The following TMEFF2 variants were observed in gnomAD, a reference collection of about 807,000 sequenced individuals.
TMEFF2 encodes tomoregulin-2.
Under a neutral mutation model 53.8 loss-of-function variants are expected in TMEFF2, and 28 were observed. The observed-to-expected ratio is 0.52, with a 90% CI of 0.39 to 0.71. TMEFF2 has a LOEUF of 0.71. Among genes scored for constraint, TMEFF2 ranks in the 30% least tolerant of loss-of-function variants. The pLI is 0.00. For synonymous variants in TMEFF2, 162 were observed against 166.3 expected (o/e 0.97, Z 0.20); for missense variants, 353 against 455.2 (o/e 0.78, Z 2.04).
chr2:192,054,784 G>C (rs148108207), intron 5 of TMEFF2, among the ~76,000 whole-genome samples: 18 of 151,824 alleles, frequency 1.2e-4, no homozygotes, highest in African/African-American at 3.9e-4. Flanking sequence ...CTTTCACCTC[G>C]TATCTTCATC....
chr2:192,040,877 G>A (rs4280393), intron 5 of TMEFF2, among the ~76,000 whole-genome samples: 147,151 of 152,258 alleles, frequency 0.97, 71,298 homozygotes, highest in East Asian at 1. Flanking sequence ...ATGATGAAAG[G>A]CTAGTCTTTT....
chr2:191,988,247 C>T (rs1405327891), intron 7 of TMEFF2, among the ~76,000 whole-genome samples: 1 of 152,146 alleles, frequency 6.6e-6, no homozygotes, highest in East Asian at 1.9e-4. Flanking sequence ...CCTGGTCTGC[C>T]TGTTGGTTGT....
intron 9 of TMEFF2, among the ~76,000 whole-genome samples, chr2:191,951,561 C>G (rs1372955735): frequency 6.6e-6 from 1 of 152,044 alleles, no homozygotes; most frequent in African/African-American, 2.4e-5. Flanking sequence ...TTTTGTAAAT[C>G]TTTTAGCAAG....
intron 1 of TMEFF2, among the ~76,000 whole-genome samples, chr2:192,192,307 A>G (rs1024861036): frequency 2.7e-5 from 4 of 149,066 alleles, no homozygotes; most frequent in Admixed American, 2.0e-4. Context: ...TTTTATTTTT[A>G]TTTTTTGCTC....
chr2:192,095,748 T>C (rs1688888044), intron 4 of TMEFF2, among the ~76,000 whole-genome samples: 1 of 152,208 alleles, frequency 6.6e-6, no homozygotes, highest in Non-Finnish European at 1.5e-5. Flanking sequence ...TCAGGCCTAG[T>C]GCTTTCTGCA....
Position 192,052,370 on chromosome 2 carries a change from G to A in TMEFF2, c.536+5309C>T, listed in dbSNP as rs190176546. ...AATCAAGTATCAACCCCCGGGCTCT[G>A]AACTACTTCTGACTGACAGAACCAA... is the stretch of plus-strand genomic sequence containing the variant. On this transcript the variant is annotated intron_variant, in intron 5 of 9. Coordinates refer to ENST00000272771, the MANE Select transcript of TMEFF2 (RefSeq NM_016192.4). Among the ~76,000 whole-genome samples the A allele has an allele frequency of 1.7e-3, 262 of 152,256 alleles. 2 individuals are homozygous for A. The highest frequency in any genetic ancestry group is 6.3e-4 in the Non-Finnish European group (43 of 68,010).
At chr2:192,002,162 C>A (rs918919845) in intron 5 of TMEFF2, among the ~76,000 whole-genome samples, 1 of 152,084 alleles carries the variant, frequency 6.6e-6, no homozygotes, top group Non-Finnish European at 1.5e-5. Flanking sequence ...TCTCAAAATT[C>A]CTGGCTCTTG....
At chr2:191,993,151 G>T (rs1017348912) in intron 7 of TMEFF2, among the ~76,000 whole-genome samples, 1 of 152,004 alleles carries the variant, frequency 6.6e-6, no homozygotes, top group Admixed American at 6.6e-5. Flanking sequence ...AATTGCAATG[G>T]CTTCTACAGA....
Position 192,133,592 on chromosome 2 carries a change from A to G in TMEFF2, c.439+46076T>C, listed in dbSNP as rs182164298. Among the ~76,000 whole-genome samples, 806 of 152,210 alleles carry G rather than the reference A, an allele frequency of 5.3e-3. 1 individual carries two copies. The highest frequency in any genetic ancestry group is 0.012 in the East Asian group (60 of 5,166). Reference sequence around the variant, plus strand: ...CTAAATTGTTTTGCCTATCCACCCCATGGTGCCAAACCCATATACTCTCCT... The same window carrying G: ...CTAAATTGTTTTGCCTATCCACCCCGTGGTGCCAAACCCATATACTCTCCT... On this transcript the variant is annotated intron_variant, in intron 4 of 9. Transcript: ENST00000272771.
At chr2:191,968,948 C>T (rs1336518138) in intron 7 of TMEFF2, among the ~76,000 whole-genome samples, 3 of 152,048 alleles carry the variant, frequency 2.0e-5, no homozygotes, top group African/African-American at 7.2e-5. Context: ...GCTCTAGCCA[C>T]CCAAGCCACC....
chr2:192,175,725 C>T (rs188359368), intron 4 of TMEFF2, among the ~76,000 whole-genome samples: 5 of 151,388 alleles, frequency 3.3e-5, no homozygotes, highest in Admixed American at 2.0e-4. Flanking sequence ...TTTCTATAAA[C>T]ATTATCATAC....
At chr2:192,106,550 T>A (rs1336678177) in intron 4 of TMEFF2, among the ~76,000 whole-genome samples, 1 of 151,804 alleles carries the variant, frequency 6.6e-6, no homozygotes, top group Non-Finnish European at 1.5e-5. Flanking sequence ...GATTTACCCA[T>A]GTGTTAATTA....
chr2:192,096,316 G>A (rs867225743), intron 4 of TMEFF2, among the ~76,000 whole-genome samples: 64 of 152,100 alleles, frequency 4.2e-4, no homozygotes, highest in Admixed American at 4.2e-3. Context: ...CGGAGCACTA[G>A]TACAAAACAA....
chr2:192,147,028 C>CA (rs1298368531), intron 4 of TMEFF2, among the ~76,000 whole-genome samples: 1 of 152,074 alleles, frequency 6.6e-6, no homozygotes, highest in African/African-American at 2.4e-5. Flanking sequence ...TTAAAATACT[C>CA]AGTCTATAAA....
chr2:192,114,607 A>C (rs1448799882), intron 4 of TMEFF2, among the ~76,000 whole-genome samples: 1 of 151,944 alleles, frequency 6.6e-6, no homozygotes, highest in Admixed American at 6.6e-5. Flanking sequence ...GCAGGATATC[A>C]AATCAACATA....
At chr2:192,136,336 G>A (rs1185076195) in intron 4 of TMEFF2, among the ~76,000 whole-genome samples, 2 of 152,030 alleles carry the variant, frequency 1.3e-5, no homozygotes, top group South Asian at 4.2e-4. Flanking sequence ...TCATCCTAAG[G>A]TTAATTGCTA....
intron 7 of TMEFF2, among the ~76,000 whole-genome samples, chr2:191,997,637 C>G (rs1262938591): frequency 6.6e-6 from 1 of 151,410 alleles, no homozygotes; most frequent in Non-Finnish European, 1.5e-5. Flanking sequence ...ATTTCTCACT[C>G]TAGAAAAGTT....
chr2:192,162,915 G>C (rs953103259), intron 4 of TMEFF2, among the ~76,000 whole-genome samples: 5 of 152,170 alleles, frequency 3.3e-5, no homozygotes, highest in African/African-American at 1.2e-4. Context: ...GGATGAACTG[G>C]AGTCCTTATT....
intron 4 of TMEFF2, among the ~76,000 whole-genome samples, chr2:192,127,918 C>A (rs1379542815): frequency 6.6e-6 from 1 of 152,138 alleles, no homozygotes; most frequent in Non-Finnish European, 1.5e-5. Context: ...TACATAACTC[C>A]TCTTTGGAAA....
Sources: allele counts gnomAD v4.1 joint callset (sites outside exome capture counted in the v4.1 genomes callset), GRCh38; gene constraint gnomAD v4.1.1; transcripts MANE v1.5; gene names NCBI Gene and HGNC (gene_info 2026-07-23, HGNC 2026-07-21).